SLC6A6: variants seen among roughly 807,000 people sequenced by gnomAD.
SLC6A6 encodes the protein sodium- and chloride-dependent taurine transporter.
SLC6A6 carries 16 observed loss-of-function variants against 68.8 expected under a neutral mutation model. That is an observed-to-expected ratio of 0.23 (90% CI 0.16 to 0.35). The LOEUF (loss-of-function observed/expected upper bound fraction) is 0.35, where lower values mean the gene tolerates loss of function less well. Ranked by LOEUF, SLC6A6 falls within the 10% of genes least tolerant of loss-of-function variation. The pLI, the probability that SLC6A6 is intolerant of heterozygous loss-of-function variation, is 1.00. For synonymous variants in SLC6A6, 312 were observed against 315.4 expected, an observed-to-expected ratio of 0.99 and a Z score of 0.12; for missense variants, 474 against 802.8, an observed-to-expected ratio of 0.59 and a Z score of 4.95.
intron 5 of SLC6A6, among the ~76,000 whole-genome samples, chr3:14,449,249 T>C (rs897696278): frequency 2.0e-5 from 3 of 152,264 alleles, no homozygotes; most frequent in African/African-American, 7.2e-5. Context: ...CTTCAGTGTA[T>C]GCTCAGGGCA....
intron 6 of SLC6A6, among the ~76,000 whole-genome samples, chr3:14,460,340 A>G (rs759245910): frequency 1.3e-5 from 2 of 152,014 alleles, no homozygotes; most frequent in Admixed American, 6.6e-5. Context: ...GATGCGAGCT[A>G]TGGGAAAAAG....
chr3:14,415,512 A>G (rs914951054), intron 1 of SLC6A6, among the ~76,000 whole-genome samples: 3 of 144,562 alleles, frequency 2.1e-5, no homozygotes, highest in Non-Finnish European at 4.6e-5. Context: ...CCCACTGCCC[A>G]TTTCTGCTGA....
Position 14,417,414 on chromosome 3 carries a change from C to T in SLC6A6, c.-12+961C>T, listed in dbSNP as rs372248882. Among the ~76,000 whole-genome samples, 120 of 152,118 alleles carry T rather than the reference C, an allele frequency of 7.9e-4. 4 individuals carry two copies. In the South Asian group the frequency reaches 0.022, roughly 27 times the overall value. Reference sequence around the variant, plus strand: ...AAATTGCAGGCATGATGCCCCTTCACCTCAATCCTTCAGGCCTTTCATAAG... The same window carrying T: ...AAATTGCAGGCATGATGCCCCTTCATCTCAATCCTTCAGGCCTTTCATAAG... On this transcript the variant is annotated intron_variant, in intron 2 of 14. Coordinates refer to ENST00000622186, the MANE Select transcript of SLC6A6 (RefSeq NM_003043.6).
chr3:14,443,982 A>C (rs779998183), intron 3 of SLC6A6, 119 bp downstream of exon 3: 18 of 689,896 alleles, frequency 2.6e-5, no homozygotes. Context: ...CCCCCCCTTG[A>C]CCTCCATGAG....
At chr3:14,434,449 A>G (rs1341421088) in intron 2 of SLC6A6, among the ~76,000 whole-genome samples, 1 of 152,212 alleles carries the variant, frequency 6.6e-6, no homozygotes, top group East Asian at 1.9e-4. Flanking sequence ...CCCCTTCTGC[A>G]GGTCAGCTTG....
intron 10 of SLC6A6, among the ~76,000 whole-genome samples, chr3:14,474,463 C>G (rs370213448): frequency 5.3e-5 from 8 of 152,186 alleles, no homozygotes; most frequent in African/African-American, 1.9e-4. Context: ...CACCACCGTC[C>G]GTCTCCAGAA....
chr3:14,457,796 A>G (rs1022551839), intron 5 of SLC6A6, among the ~76,000 whole-genome samples, 154 bp from the exon 6 acceptor site: 1 of 152,170 alleles, frequency 6.6e-6, no homozygotes, highest in Non-Finnish European at 1.5e-5. Context: ...CTCAAGACAA[A>G]TGGGGATTCC....
intron 2 of SLC6A6, among the ~76,000 whole-genome samples, chr3:14,424,613 T>C (rs937902262): frequency 6.6e-6 from 1 of 152,110 alleles, no homozygotes; most frequent in African/African-American, 2.4e-5. Flanking sequence ...GAGTGGTTGG[T>C]CTTGATTCAC....
intron 1 of SLC6A6, among the ~76,000 whole-genome samples, chr3:14,406,841 C>T (rs187721640): frequency 1.4e-3 from 206 of 152,284 alleles, no homozygotes; most frequent in Non-Finnish European, 2.2e-3. Flanking sequence ...AACCAACATA[C>T]AAATAATAAA....
intron 1 of SLC6A6, among the ~76,000 whole-genome samples, chr3:14,414,791 A>G (rs1699328324): frequency 6.6e-6 from 1 of 152,162 alleles, no homozygotes; most frequent in African/African-American, 2.4e-5. Context: ...AGCCTCCAAG[A>G]GTGCTGGGAT....
At chr3:14,459,595 G>A (rs901294189) in intron 6 of SLC6A6, among the ~76,000 whole-genome samples, 6 of 152,066 alleles carry the variant, frequency 3.9e-5, no homozygotes, top group Admixed American at 6.6e-5. Context: ...GGTCCTGCCC[G>A]GAACAGGCGG....
chr3:14,433,671 G>A (rs553458104), intron 2 of SLC6A6, among the ~76,000 whole-genome samples: 1 of 151,900 alleles, frequency 6.6e-6, no homozygotes, highest in South Asian at 2.1e-4. Flanking sequence ...GGGCGTGGTG[G>A]CAGGCACCTG....
rs1213893387 is a variant in SLC6A6 at position 14,447,612 on chromosome 3, C to G, written c.395C>G (p.Ser132Cys). ...GIGYASVVIVSLLNVYYIVIL... is the reference protein window; with the variant it reads ...GIGYASVVIVCLLNVYYIVIL... ...GGCTATGCCTCCGTTGTAATTGTGT[C>G]CCTCCTGAATGTCTACTACATCGTC... Residue 132 changes from serine (S) to cysteine (C), a missense_variant, in exon 5 of 15, where the codon TCC (serine) becomes TGC (cysteine). This residue lies in a region of SLC6A6 where 280 missense variants were observed against 533.1 expected (regional missense o/e 0.53). Coordinates refer to ENST00000622186, the MANE Select transcript of SLC6A6 (RefSeq NM_003043.6). 6.2e-7 allele frequency: 1 copy of G among 1,614,176 alleles called. No individual in the cohort carries two copies. The highest frequency in any genetic ancestry group is 2.2e-5 in the East Asian group (1 of 44,888).
intron 2 of SLC6A6, among the ~76,000 whole-genome samples, chr3:14,434,347 A>G (rs746261672): frequency 1.2e-4 from 19 of 152,154 alleles, no homozygotes; most frequent in Non-Finnish European, 1.8e-4. Flanking sequence ...TTGTTATGAA[A>G]TGTCACCTCC....
intron 1 of SLC6A6, among the ~76,000 whole-genome samples, chr3:14,412,678 C>T (rs1699276410): frequency 6.6e-6 from 1 of 152,148 alleles, no homozygotes; most frequent in Admixed American, 6.5e-5. Context: ...GGGCCTGGGG[C>T]CCTGAATTTC....
At chr3:14,421,671 G>A (rs1699488853) in intron 2 of SLC6A6, among the ~76,000 whole-genome samples, 1 of 152,200 alleles carries the variant, frequency 6.6e-6, no homozygotes, top group African/African-American at 2.4e-5. Flanking sequence ...CAGTTTGCAC[G>A]GTTTTTCCAG....
intron 5 of SLC6A6, among the ~76,000 whole-genome samples, chr3:14,455,124 G>A (rs1700339703): frequency 6.6e-6 from 1 of 152,184 alleles, no homozygotes; most frequent in Admixed American, 6.5e-5. Flanking sequence ...GTAACTATAG[G>A]AGGTAATCCT....
rs1701142862 is a variant in SLC6A6 at position 14,485,778 on chromosome 3, G to A, written c.*771G>A. ...AAATCCCACTTTTAATTTTGAGATG[G>A]TGAGTGGATAGTCAGTAGACCGTCA... On this transcript the variant is annotated 3_prime_UTR_variant, in exon 15 of 15. Transcript: ENST00000622186. The A allele has an allele frequency of 1.3e-5, 2 of 152,440 alleles. No homozygotes were observed. Among genetic ancestry groups the A allele is most frequent in the Admixed American group, 1.3e-4 (2 of 15,280 alleles). The allele number at this position is 152,440 out of a possible 1,614,324, so 9.4% of individuals were successfully genotyped here. A position where few individuals can be genotyped will look rare whatever the true frequency, so the allele number is the denominator to read the frequency against.
intron 5 of SLC6A6, among the ~76,000 whole-genome samples, chr3:14,449,967 G>A (rs1277378365): frequency 6.6e-6 from 1 of 152,054 alleles, no homozygotes; most frequent in Non-Finnish European, 1.5e-5. Context: ...GGCCAGGATG[G>A]TCTCAATCTC....
Sources: gnomAD v4.1 joint callset for allele counts (sites outside exome capture counted in the v4.1 genomes callset) on GRCh38, gnomAD v4.1.1 for gene constraint, gnomAD v4.1.1 regional missense constraint, MANE v1.5 for transcripts, NCBI Gene and HGNC (gene_info 2026-07-23, HGNC 2026-07-21) for gene names.